Variants in TXNDC11 observed in about 807,000 individuals in gnomAD.
The protein encoded by TXNDC11 is thioredoxin domain-containing protein 11.
TXNDC11 carries 68 observed loss-of-function variants against 78.0 expected under a neutral mutation model. The ratio of observed to expected loss-of-function variants is 0.87; its 90% confidence interval spans 0.72 to 1.07. The LOEUF (loss-of-function observed/expected upper bound fraction) is 1.07, where lower values mean the gene tolerates loss of function less well. Ranked by LOEUF, TXNDC11 falls within the 50% of genes least tolerant of loss-of-function variation. TXNDC11 has a pLI of 0.00. For synonymous variants in TXNDC11, 571 were observed against 495.2 expected (o/e 1.15, Z -2.03); for missense variants, 1,389 against 1,221.8 (o/e 1.14, Z -2.04).
At chr16:11,692,438 A>T (rs58081879) in intron 7 of TXNDC11, among the ~76,000 whole-genome samples, 44 of 152,214 alleles carry the variant, frequency 2.9e-4, no homozygotes, top group African/African-American at 1.0e-3. Flanking sequence ...AGGGCCCCCA[A>T]AGTGTAAGGA....
At chr16:11,683,656 G>C (rs559903458) in intron 11 of TXNDC11, among the ~76,000 whole-genome samples, 18 of 152,090 alleles carry the variant, frequency 1.2e-4, no homozygotes. Flanking sequence ...ATTCAAGCTC[G>C]GGTAAGAGAT....
rs73517642 is a variant in TXNDC11 at position 11,690,377 on chromosome 16, T to C, written c.1900+913A>G. Among the ~76,000 whole-genome samples the C allele has an allele frequency of 3.2e-4, 48 of 152,346 alleles. 1 individual carries two copies. Among genetic ancestry groups the C allele is most frequent in the African/African-American group, 1.1e-3 (46 of 41,578 alleles). ...AAAGTGGGTTTTGCTGGTTTGCGAC[T>C]GACACTTATTTATTTGCACTTTACA... On this transcript the variant is annotated intron_variant, in intron 8 of 11. Coordinates refer to ENST00000283033, the MANE Select transcript of TXNDC11 (RefSeq NM_015914.7).
chr16:11,738,661 G>GAAA (rs58616825), intron 1 of TXNDC11, among the ~76,000 whole-genome samples: 5,865 of 138,314 alleles, frequency 0.042, 388 homozygotes, highest in African/African-American at 0.15. Flanking sequence ...GGCACTACAG[G>GAAA]AAAAAAAAAA....
In TXNDC11 at chr16:11,688,177, A is replaced by G. The variant is rs1390774826; in HGVS notation, c.2043+126T>C. 1.3e-5 allele frequency: 14 copies of G among 1,083,244 alleles called. No individual in the cohort carries two copies. The East Asian group carries it at 3.1e-4, about 24-fold the overall frequency. The allele number at this position is 1,083,244 out of a possible 1,614,324, so 67.1% of individuals were successfully genotyped here. ...ACCACATGTAATTCATTCACGGTCCATAATTGGGCCATCACGTGGTTACTC... is the reference window on the plus strand; with the variant it reads ...ACCACATGTAATTCATTCACGGTCCGTAATTGGGCCATCACGTGGTTACTC... On this transcript the variant is annotated intron_variant, in intron 9 of 11. Coordinates refer to ENST00000283033, the MANE Select transcript of TXNDC11 (RefSeq NM_015914.7).
At chr16:11,709,339 G>C (rs1008238169) in intron 5 of TXNDC11, among the ~76,000 whole-genome samples, 18 of 148,710 alleles carry the variant, frequency 1.2e-4, no homozygotes, top group African/African-American at 4.5e-4. Context: ...TGCAACCTCT[G>C]CCTCCCAGGT....
At position 11,691,739 on chromosome 16, in the gene TXNDC11, T is replaced by G. The variant is rs181298853; in HGVS notation, c.1451A>C (p.His484Pro). ...SFYLKEQTFY[H>P]VASDSIECSN... Reference sequence around the variant, plus strand: ...GCATTCTATGCTGTCTGATGCCACATGATAAAAGGTCTGCTCCTTGAGGTA... The same window carrying G: ...GCATTCTATGCTGTCTGATGCCACAGGATAAAAGGTCTGCTCCTTGAGGTA... The change falls in exon 8 of 12, where the codon CAT (histidine) becomes CCT (proline). Residue 484 changes from histidine to proline, a missense_variant. Transcript: ENST00000283033. The G allele has an allele frequency of 3.4e-4, 542 of 1,614,180 alleles. 3 individuals carry two copies. The highest frequency in any genetic ancestry group is 7.4e-5 in the Non-Finnish European group (87 of 1,180,038).
At chr16:11,728,943 G>A (rs2051963668) in intron 4 of TXNDC11, among the ~76,000 whole-genome samples, 1 of 151,498 alleles carries the variant, frequency 6.6e-6, no homozygotes, top group Admixed American at 6.6e-5. Flanking sequence ...GGAGATTGCA[G>A]CGAGCCAAGA....
Position 11,688,351 on chromosome 16 carries a change from G to C in TXNDC11, c.1995C>G (p.Ile665Met). The change falls in exon 9 of 12, where the codon ATC becomes ATG. Residue 665 changes from isoleucine to methionine, a missense_variant. Transcript: ENST00000283033. ...GSAQFPSQHL[I>M]TEVTTDTFWE... ...AAAAGGTATCAGTTGTCACTTCAGT[G>C]ATTAAATGCTGAGACGGGAACTGGG... is the stretch of plus-strand genomic sequence containing the variant. 6.2e-7 allele frequency: 1 copy of C among 1,614,176 alleles called. No homozygotes were observed. Among genetic ancestry groups the C allele is most frequent in the Non-Finnish European group, 8.5e-7 (1 of 1,180,022 alleles).
chr16:11,717,747 G>A (rs1395404572), intron 5 of TXNDC11, among the ~76,000 whole-genome samples: 1 of 151,162 alleles, frequency 6.6e-6, no homozygotes, highest in African/African-American at 2.4e-5. Flanking sequence ...CCTGAACCTC[G>A]GAGGCAGAGG....
At chr16:11,724,196 T>C (rs1198494508) in intron 4 of TXNDC11, among the ~76,000 whole-genome samples, 2 of 151,928 alleles carry the variant, frequency 1.3e-5, no homozygotes, top group Non-Finnish European at 2.9e-5. Context: ...GGCAGGAGAA[T>C]TGCTTGAACC....
chr16:11,693,821 C>G (rs1165797112), intron 7 of TXNDC11, among the ~76,000 whole-genome samples: 3 of 152,096 alleles, frequency 2.0e-5, no homozygotes, highest in Non-Finnish European at 4.4e-5. Flanking sequence ...CCGTGAAGAG[C>G]CCAGATGCCC....
chr16:11,689,731 T>TA (rs2050660101), intron 8 of TXNDC11, among the ~76,000 whole-genome samples: 1 of 152,180 alleles, frequency 6.6e-6, no homozygotes, highest in Non-Finnish European at 1.5e-5. Context: ...TAATACAGAC[T>TA]ACCTCAAAAA....
Position 11,727,812 on chromosome 16 carries a change from C to T in TXNDC11, c.699+2833G>A, listed in dbSNP as rs752287191. Among the ~76,000 whole-genome samples, 177 of 152,264 alleles carry T rather than the reference C, an allele frequency of 1.2e-3. 1 individual carries two copies. The highest frequency in any genetic ancestry group is 2.7e-3 in the Admixed American group (41 of 15,280). On this transcript the variant is annotated intron_variant, in intron 4 of 11. Coordinates refer to ENST00000283033, the MANE Select transcript of TXNDC11 (RefSeq NM_015914.7). The stretch of plus-strand genomic sequence containing the variant: ...AGCCCCATGATAAAAGACATGTTTT[C>T]TTCCTCTTAAGGCCTTAATTGGGAA...
chr16:11,686,807 G>A (rs1170307411), intron 10 of TXNDC11, among the ~76,000 whole-genome samples: 2 of 152,092 alleles, frequency 1.3e-5, no homozygotes, highest in African/African-American at 4.8e-5. Context: ...TTTAATTTCC[G>A]GGGAGGCTGG....
At chr16:11,700,704 G>A (rs1023377061) in intron 5 of TXNDC11, 140 bp from the exon 6 acceptor site, 4 of 576,694 alleles carry the variant, frequency 6.9e-6, no homozygotes, top group African/African-American at 3.8e-5. Context: ...GAAGGAAGAG[G>A]CGCTGAGGAA....
rs754016031 is a variant in TXNDC11 at position 11,691,748 on chromosome 16, G to A, written c.1442C>T (p.Thr481Ile). The A allele has an allele frequency of 1.2e-6, 2 of 1,614,226 alleles. No homozygotes were observed. The highest frequency in any genetic ancestry group is 2.2e-5 in the East Asian group (1 of 44,890). The change falls in exon 8 of 12, where the codon ACC becomes ATC. Residue 481 changes from threonine to isoleucine, a missense_variant. Coordinates refer to ENST00000283033, the MANE Select transcript of TXNDC11 (RefSeq NM_015914.7). Reference sequence around the variant, plus strand: ...GCTGTCTGATGCCACATGATAAAAGGTCTGCTCCTTGAGGTAGAAAGAATC... The same window carrying A: ...GCTGTCTGATGCCACATGATAAAAGATCTGCTCCTTGAGGTAGAAAGAATC... ...ALDSFYLKEQ[T>I]FYHVASDSIE... is the part of the protein sequence containing the mutation.
At chr16:11,732,301 C>G (rs2052079153) in intron 3 of TXNDC11, among the ~76,000 whole-genome samples, 1 of 152,122 alleles carries the variant, frequency 6.6e-6, no homozygotes, top group Non-Finnish European at 1.5e-5. Context: ...ATTTTAATGT[C>G]ACATCACGTT....
intron 5 of TXNDC11, among the ~76,000 whole-genome samples, chr16:11,700,813 G>C (rs987302347): frequency 1.3e-5 from 2 of 152,196 alleles, no homozygotes; most frequent in Non-Finnish European, 2.9e-5. Flanking sequence ...GTGCTGAGGA[G>C]TCCCCTGTGT....
chr16:11,732,092 G>A (rs1443220486), intron 3 of TXNDC11, among the ~76,000 whole-genome samples: 1 of 152,166 alleles, frequency 6.6e-6, no homozygotes, highest in Non-Finnish European at 1.5e-5. Context: ...CAGGGGTGTG[G>A]AGGCGGGCAT....
Sources: allele counts gnomAD v4.1 joint callset (sites outside exome capture counted in the v4.1 genomes callset), GRCh38; gene constraint gnomAD v4.1.1; transcripts MANE v1.5; gene names NCBI Gene and HGNC (gene_info 2026-07-23, HGNC 2026-07-21).